Variants in AOX1 observed in about 807,000 individuals in gnomAD.
AOX1 encodes the protein aldehyde oxidase.
Under a neutral mutation model 169.5 loss-of-function variants are expected in AOX1, and 153 were observed. The observed-to-expected ratio is 0.90, with a 90% confidence interval of 0.79 to 1.03. The LOEUF is 1.03. Among genes scored for constraint, AOX1 ranks in the 50% least tolerant of loss-of-function variants. The probability of loss-of-function intolerance (pLI) is 0.00; values close to 1 mark genes in which losing one functional copy is unlikely to be tolerated. For synonymous variants in AOX1, 562 were observed against 581.9 expected (o/e 0.97, Z 0.49); for missense variants, 1,656 against 1,663.9 (o/e 1.00, Z 0.08).
intron 34 of AOX1, 84 bp from the exon 35 acceptor site, chr2:200,670,545 T>G: frequency 8.3e-7 from 1 of 1,211,750 alleles, no homozygotes; most frequent in Non-Finnish European, 1.2e-6. Flanking sequence ...CTGCTGGTGT[T>G]TAACCTACTT....
chr2:200,608,243 G>A (rs1208956571), intron 10 of AOX1, among the ~76,000 whole-genome samples: 1 of 152,176 alleles, frequency 6.6e-6, no homozygotes, highest in Non-Finnish European at 1.5e-5. Flanking sequence ...CTAATTGTCT[G>A]AATAGTTCAG....
At chr2:200,613,172 T>C (rs2034682171) in intron 14 of AOX1, among the ~76,000 whole-genome samples, 1 of 152,184 alleles carries the variant, frequency 6.6e-6, no homozygotes, top group Admixed American at 6.5e-5. Context: ...AGGCATTTGC[T>C]TACCTGACTT....
At chr2:200,659,923 ATAT>A in intron 28 of AOX1, 69 bp from the exon 29 acceptor site, 1 of 1,175,212 alleles carries the variant, frequency 8.5e-7, no homozygotes, top group Non-Finnish European at 1.3e-6. Flanking sequence ...GGAATGGTAC[ATAT>A]TATGTTGTTT....
In AOX1 at chr2:200,587,119, C is replaced by CA. The variant is rs1348610854; in HGVS notation, c.45+970dup. Among the ~76,000 whole-genome samples, 119 of 150,746 alleles carry CA rather than the reference C, an allele frequency of 7.9e-4. 1 individual carries two copies. The highest frequency in any genetic ancestry group is 2.6e-3 in the African/African-American group (105 of 40,952). ...TTGTCTCTACAAAAAAAAAACCAAA[C>CA]AAAACAAAACAACAACAACAAAAAA... On this transcript the variant is annotated intron_variant, in intron 1 of 34. Coordinates refer to ENST00000374700, the MANE Select transcript of AOX1 (RefSeq NM_001159.4).
At chr2:200,604,907 G>A in intron 9 of AOX1, 67 bp downstream of exon 9, 1 of 1,304,984 alleles carries the variant, frequency 7.7e-7, no homozygotes, top group South Asian at 1.2e-5. Context: ...GGGCCGGGGT[G>A]GGCTGGGGAA....
intron 15 of AOX1, 107 bp downstream of exon 15, chr2:200,614,073 T>C (rs2034699936): frequency 1.8e-6 from 2 of 1,089,942 alleles, no homozygotes; most frequent in African/African-American, 3.2e-5. Flanking sequence ...AAAAAGACAA[T>C]CCACATTAGA....
intron 31 of AOX1, among the ~76,000 whole-genome samples, chr2:200,665,877 T>A (rs1308747044): frequency 6.6e-6 from 1 of 152,242 alleles, no homozygotes; most frequent in African/African-American, 2.4e-5. Flanking sequence ...TACTGTGTGT[T>A]TAAATAAGAA....
downstream of AOX1, among the ~76,000 whole-genome samples, chr2:200,674,212 G>A (rs2036064171): frequency 6.6e-6 from 1 of 152,200 alleles, no homozygotes; most frequent in African/African-American, 2.4e-5. Context: ...AGACAGAGCT[G>A]GGTTCACAAG....
chr2:200,636,998 T>A lies in AOX1; in HGVS notation c.2434T>A (p.Leu812Ile), dbSNP rs2035247539. The change falls in exon 22 of 35, where the codon TTA becomes ATA. Residue 812 changes from leucine to isoleucine, a missense_variant. Coordinates refer to ENST00000374700, the MANE Select transcript of AOX1 (RefSeq NM_001159.4). Reference protein sequence around the residue: ...RVGGAFGGKVLKTGIIAAVTA... With the variant: ...RVGGAFGGKVIKTGIIAAVTA... ...TGGTGGAGCGTTTGGAGGGAAGGTG[T>A]TAAAAACCGGAATCATTGCAGCCGT... 6.2e-7 allele frequency: 1 copy of A among 1,613,958 alleles called. No homozygotes were observed. Among genetic ancestry groups the A allele is most frequent in the Admixed American group, 1.7e-5 (1 of 59,996 alleles).
At chr2:200,676,485 A>C (rs565155986), downstream of AOX1, among the ~76,000 whole-genome samples, 1 of 152,084 alleles carries the variant, frequency 6.6e-6, no homozygotes, top group African/African-American at 2.4e-5. Context: ...CTGTAATCCC[A>C]GCTACTTGGG....
intron 25 of AOX1, among the ~76,000 whole-genome samples, chr2:200,647,818 T>A (rs911103615): frequency 6.6e-6 from 1 of 152,212 alleles, no homozygotes; most frequent in Non-Finnish European, 1.5e-5. Context: ...TGGATTGGGT[T>A]AATTCAAAGA....
chr2:200,659,659 C>T (rs1216447092), intron 28 of AOX1, among the ~76,000 whole-genome samples: 5 of 152,122 alleles, frequency 3.3e-5, no homozygotes, highest in East Asian at 3.9e-4. Context: ...TTTCTGCTGC[C>T]GGAGTGAATT....
At chr2:200,602,653 G>A (rs989341113) in intron 6 of AOX1, among the ~76,000 whole-genome samples, 5 of 152,224 alleles carry the variant, frequency 3.3e-5, no homozygotes, top group African/African-American at 1.2e-4. Context: ...ATAGCCCTCT[G>A]CGAACATGTG....
chr2:200,604,869 G>C (rs1325724644), intron 9 of AOX1, 29 bp downstream of exon 9: 11 of 1,608,470 alleles, frequency 6.8e-6, no homozygotes, highest in Non-Finnish European at 9.4e-6. Context: ...ATTTTTTATA[G>C]GGAAATTGAG....
chr2:200,597,269 T>C, intron 3 of AOX1, 128 bp from the exon 4 acceptor site: 1 of 545,904 alleles, frequency 1.8e-6, no homozygotes, highest in South Asian at 3.2e-5. Flanking sequence ...AAGGAGGAAA[T>C]GTATGTGTAA....
At chr2:200,605,291 A>G (rs1404604833) in intron 9 of AOX1, among the ~76,000 whole-genome samples, 2 of 152,174 alleles carry the variant, frequency 1.3e-5, no homozygotes, top group Non-Finnish European at 2.9e-5. Context: ...GAGTCTTCCC[A>G]GAGAGAATTT....
At chr2:200,611,771 C>G (rs1042390987) in intron 13 of AOX1, among the ~76,000 whole-genome samples, 2 of 149,500 alleles carry the variant, frequency 1.3e-5, no homozygotes, top group Non-Finnish European at 2.9e-5. Context: ...GTGGCATGAT[C>G]TGGGCTCACT....
In AOX1 at chr2:200,587,154, T is replaced by A. The variant is rs2034055887; in HGVS notation, c.45+1001T>A. Among the ~76,000 whole-genome samples, 3 of 148,902 alleles carry A rather than the reference T, an allele frequency of 2.0e-5. No individual in the cohort carries two copies. The South Asian group carries it at 6.4e-4, about 32-fold the overall frequency. ...CAACAACAACAAAAAAAAACCGGTGTGGTGGTGCGTGCCTGCAGCCCAGCT... is the reference window on the plus strand; with the variant it reads ...CAACAACAACAAAAAAAAACCGGTGAGGTGGTGCGTGCCTGCAGCCCAGCT... On this transcript the variant is annotated intron_variant, in intron 1 of 34. Coordinates refer to ENST00000374700, the MANE Select transcript of AOX1 (RefSeq NM_001159.4).
At chr2:200,603,633 G>C (rs916703329) in intron 7 of AOX1, among the ~76,000 whole-genome samples, 2 of 152,124 alleles carry the variant, frequency 1.3e-5, no homozygotes, top group African/African-American at 4.8e-5. Context: ...ATTTTTTCAA[G>C]TTATTTTTCA....
Sources: allele counts gnomAD v4.1 joint callset (sites outside exome capture counted in the v4.1 genomes callset), GRCh38; gene constraint gnomAD v4.1.1; transcripts MANE v1.5; gene names NCBI Gene and HGNC (gene_info 2026-07-23, HGNC 2026-07-21).